The following PARD3B variants were observed in gnomAD, a reference collection of about 807,000 sequenced individuals.
PARD3B encodes par-3 family cell polarity regulator beta, also known as partitioning defective 3 homolog B.
A neutral mutation model predicts 130.2 loss-of-function variants in PARD3B; 103 were observed. The observed-to-expected ratio is 0.79, with a 90% CI of 0.67 to 0.93. PARD3B has a LOEUF of 0.93. Ranked by LOEUF, PARD3B falls within the 40% of genes least tolerant of loss-of-function variation. The probability of loss-of-function intolerance (pLI) is 0.00; values close to 1 mark genes in which losing one functional copy is unlikely to be tolerated. For synonymous variants in PARD3B, 583 were observed against 553.2 expected (o/e 1.05, Z -0.76); for missense variants, 1,609 against 1,499.2 (o/e 1.07, Z -1.21).
At position 205,473,702 on chromosome 2, in the gene PARD3B, A is replaced by G. The variant is rs1254351808; in HGVS notation, c.3045-26194A>G. 1.1e-4 allele frequency among the ~76,000 whole-genome samples: 13 copies of G among 123,374 alleles called. No individual in the cohort carries two copies. The highest frequency in any genetic ancestry group is 4.9e-4 in the African/African-American group (12 of 24,672). 80.9% of individuals were successfully genotyped at this position (123,374 alleles called of 152,430 possible). A position where few individuals can be genotyped will look rare whatever the true frequency, so the allele number is the denominator to read the frequency against. ...TGTGTATGTATATATATATATATAT[A>G]TATATATACACACACACGTATATAA... On this transcript the variant is annotated intron_variant, in intron 20 of 22. Transcript: ENST00000406610. This position sits in a 1 kb window ranked among gnomAD's most constrained non-coding sequence, Gnocchi z 4.9.
intron 2 of PARD3B, among the ~76,000 whole-genome samples, chr2:204,723,832 C>T (rs537343452): frequency 6.6e-6 from 1 of 152,178 alleles, no homozygotes; most frequent in South Asian, 2.1e-4. Flanking sequence ...GGAAAGCCAG[C>T]ATATTGTGAT....
Position 205,158,874 on chromosome 2 carries a change from C to G in PARD3B, c.1587C>G (p.Ile529Met), listed in dbSNP as rs1240313781. 5.0e-6 allele frequency: 8 copies of G among 1,613,984 alleles called. No homozygotes were observed. The highest frequency in any genetic ancestry group is 3.3e-5 in the Admixed American group (2 of 60,014). The change falls in exon 11 of 23, where the codon ATC becomes ATG. Residue 529 changes from isoleucine to methionine, a missense_variant. By Grantham distance (10) the Ile-to-Met change is conservative (BLOSUM62 1). Coordinates refer to ENST00000406610, the MANE Select transcript of PARD3B (RefSeq NM_001302769.2). The surrounding 1 kb of genome is among the most constrained non-coding windows in gnomAD (Gnocchi z 5.4). ...CTGGAACAGACTTGGGGATTTTTAT[C>G]AAATCCATCATTCATGGAGGCGCTG... Reference protein sequence around the residue: ...RETGTDLGIFIKSIIHGGAAF... With the variant: ...RETGTDLGIFMKSIIHGGAAF...
intron 10 of PARD3B, among the ~76,000 whole-genome samples, chr2:205,143,380 A>G (rs2033127156): frequency 1.3e-5 from 2 of 152,190 alleles, no homozygotes; most frequent in South Asian, 4.1e-4. Context: ...CTGAACTGAG[A>G]TAGTACTTGT....
At chr2:204,863,578 C>A (rs1451351073) in intron 2 of PARD3B, among the ~76,000 whole-genome samples, 1 of 152,190 alleles carries the variant, frequency 6.6e-6, no homozygotes, top group Non-Finnish European at 1.5e-5. Context: ...AGGAATCTAA[C>A]CATTATTTAC....
intron 15 of PARD3B, among the ~76,000 whole-genome samples, chr2:205,212,210 A>G (rs2125851150): frequency 6.6e-6 from 1 of 152,060 alleles, no homozygotes; most frequent in Non-Finnish European, 1.5e-5. Context: ...TGAAACTAAC[A>G]GATTGGCGGT....
chr2:205,449,788 A>G (rs1475703432), intron 20 of PARD3B, among the ~76,000 whole-genome samples: 1 of 152,178 alleles, frequency 6.6e-6, no homozygotes, highest in African/African-American at 2.4e-5. Context: ...GAAAACTTTT[A>G]TTGAGCATCT....
intron 15 of PARD3B, among the ~76,000 whole-genome samples, chr2:205,226,270 T>C (rs1226094371): frequency 6.6e-6 from 1 of 152,184 alleles, no homozygotes. Context: ...CTCGATCTCC[T>C]GATCTTGTGA....
intron 20 of PARD3B, among the ~76,000 whole-genome samples, chr2:205,441,042 T>A (rs1166465015): frequency 6.6e-6 from 1 of 151,658 alleles, no homozygotes; most frequent in African/African-American, 2.4e-5. Context: ...AGGTGGAGAG[T>A]CAGAAAAGAG....
intron 2 of PARD3B, among the ~76,000 whole-genome samples, chr2:204,729,212 A>G (rs6743771): frequency 0.21 from 31,213 of 152,166 alleles, 3,271 homozygotes; most frequent in African/African-American, 0.24. Flanking sequence ...CTGTTCGCCA[A>G]TCTTCATGGA....
chr2:205,037,643 T>C (rs1300087952), intron 3 of PARD3B, among the ~76,000 whole-genome samples: 1 of 147,252 alleles, frequency 6.8e-6, no homozygotes, highest in African/African-American at 2.5e-5. Flanking sequence ...ATAAAATATG[T>C]ATATAGTGGA....
chr2:204,678,678 C>G lies in PARD3B; in HGVS notation c.121-7503C>G, dbSNP rs1352109950. ...TCTGATGCGCAGTTGCTTCTCCTCT[C>G]GATGTTCAGCCGCTTGTCTCTCTGC... is the stretch of plus-strand genomic sequence containing the variant. On this transcript the variant is annotated intron_variant, in intron 1 of 22. Coordinates refer to ENST00000406610, the MANE Select transcript of PARD3B (RefSeq NM_001302769.2). The surrounding 1 kb of genome is among the most constrained non-coding windows in gnomAD (Gnocchi z 4.2). Among the ~76,000 whole-genome samples, 1 of 152,052 alleles carries G rather than the reference C, an allele frequency of 6.6e-6. No homozygotes were observed. The highest frequency in any genetic ancestry group is 1.5e-5 in the Non-Finnish European group (1 of 68,004).
At chr2:204,740,717 T>G (rs958488569) in intron 2 of PARD3B, among the ~76,000 whole-genome samples, 2 of 152,176 alleles carry the variant, frequency 1.3e-5, no homozygotes, top group Non-Finnish European at 2.9e-5. Flanking sequence ...ACATGTAGCC[T>G]CCTCATGTAT....
At chr2:205,102,963 G>A (rs886076870) in intron 4 of PARD3B, among the ~76,000 whole-genome samples, 2 of 151,966 alleles carry the variant, frequency 1.3e-5, no homozygotes, top group African/African-American at 2.4e-5. Flanking sequence ...AGCCACTCGG[G>A]AGGCTGAGCC....
intron 1 of PARD3B, among the ~76,000 whole-genome samples, chr2:204,670,020 C>T (rs980633030): frequency 1.3e-5 from 2 of 152,080 alleles, no homozygotes; most frequent in Admixed American, 1.3e-4. Context: ...TGAAGTTGAA[C>T]GGTTGGGACA....
chr2:205,207,348 G>T, intron 15 of PARD3B, among the ~76,000 whole-genome samples: 1 of 145,426 alleles, frequency 6.9e-6, no homozygotes, highest in African/African-American at 2.7e-5. Context: ...GCTAGCAGAA[G>T]GCAAGCAATA....
intron 2 of PARD3B, among the ~76,000 whole-genome samples, chr2:204,945,909 T>C (rs1689286676): frequency 6.6e-6 from 1 of 152,180 alleles, no homozygotes; most frequent in Non-Finnish European, 1.5e-5. Context: ...TTGCAAATAG[T>C]GAATTTGCAA....
intron 2 of PARD3B, among the ~76,000 whole-genome samples, chr2:204,910,945 A>G (rs1051057379): frequency 2.6e-5 from 4 of 152,172 alleles, no homozygotes; most frequent in African/African-American, 9.7e-5. Flanking sequence ...CCCGGCCAAG[A>G]TTAATATAAT....
intron 1 of PARD3B, among the ~76,000 whole-genome samples, chr2:204,654,933 T>G (rs2035594566): frequency 6.6e-6 from 1 of 152,158 alleles, no homozygotes; most frequent in Non-Finnish European, 1.5e-5. Context: ...AGAGCAGGAC[T>G]CTTTGAGACC....
intron 21 of PARD3B, among the ~76,000 whole-genome samples, chr2:205,528,510 T>G (rs2051436586): frequency 6.6e-6 from 1 of 151,950 alleles, no homozygotes; most frequent in Admixed American, 6.6e-5. Flanking sequence ...TTTTTTTTTT[T>G]GAAACAGAGT....
Sources: gnomAD v4.1 joint callset for allele counts (sites outside exome capture counted in the v4.1 genomes callset) on GRCh38, gnomAD v4.1.1 for gene constraint, Gnocchi (gnomAD v3.1) non-coding constraint, MANE v1.5 for transcripts, NCBI Gene and HGNC (gene_info 2026-07-23, HGNC 2026-07-21) for gene names.